Variants in ATP8A2 observed in about 807,000 individuals in gnomAD.
ATP8A2 encodes the protein ATPase phospholipid transporting 8A2.
Under a neutral mutation model 165.6 loss-of-function variants are expected in ATP8A2, and 100 were observed. The observed-to-expected ratio is 0.60, with a 90% confidence interval of 0.51 to 0.71. The LOEUF (loss-of-function observed/expected upper bound fraction) is 0.71, where lower values mean the gene tolerates loss of function less well. Ranked by LOEUF, ATP8A2 falls within the 30% of genes least tolerant of loss-of-function variation. The probability of loss-of-function intolerance (pLI) is 0.00; values close to 1 mark genes in which losing one functional copy is unlikely to be tolerated. For synonymous variants in ATP8A2, 543 were observed against 548.8 expected (o/e 0.99, Z 0.15); for missense variants, 1,227 against 1,479.5 (o/e 0.83, Z 2.80).
At chr13:25,390,017 C>G (rs370647796) in intron 1 of ATP8A2, among the ~76,000 whole-genome samples, 3 of 110,794 alleles carry the variant, frequency 2.7e-5, no homozygotes, top group Non-Finnish European at 5.9e-5. Flanking sequence ...TGTTTTGAAA[C>G]GGAGTCTTGC....
intron 27 of ATP8A2, among the ~76,000 whole-genome samples, chr13:25,793,874 T>A (rs1419077863): frequency 6.6e-6 from 1 of 152,140 alleles, no homozygotes; most frequent in Non-Finnish European, 1.5e-5. Flanking sequence ...TAAAAACAAT[T>A]CCCCACCCCA....
At chr13:25,902,185 C>T (rs568392318) in intron 33 of ATP8A2, among the ~76,000 whole-genome samples, 3 of 152,228 alleles carry the variant, frequency 2.0e-5, no homozygotes, top group African/African-American at 4.8e-5. Flanking sequence ...ACCATTCCCC[C>T]GCCATCACCT....
chr13:25,673,600 G>A (rs899142037), intron 24 of ATP8A2, among the ~76,000 whole-genome samples: 1 of 152,052 alleles, frequency 6.6e-6, no homozygotes, highest in Non-Finnish European at 1.5e-5. Flanking sequence ...CCCTGTCTAC[G>A]CTGACTCGTT....
rs571701119 is a variant in ATP8A2, at chr13:25,713,133, C to T, written c.2384+13788C>T. ...TTCTCCCCTTTCCCAAAATGATGTA[C>T]GCTTCTCTTTTACTAAATTCTCAAC... On this transcript the variant is annotated intron_variant, in intron 25 of 36. Coordinates refer to ENST00000381655, the MANE Select transcript of ATP8A2 (RefSeq NM_016529.6). Among the ~76,000 whole-genome samples, 9 of 152,214 alleles carry T rather than the reference C, an allele frequency of 5.9e-5. No individual in the cohort carries two copies. In the South Asian group the frequency reaches 6.2e-4, roughly 11 times the overall value.
At chr13:25,869,257 T>C (rs1952612270) in intron 33 of ATP8A2, among the ~76,000 whole-genome samples, 1 of 152,026 alleles carries the variant, frequency 6.6e-6, no homozygotes, top group Non-Finnish European at 1.5e-5. Context: ...TTACACATAA[T>C]GCCAACTTGT....
chr13:25,998,762 G>T (rs1413907442), intron 35 of ATP8A2, among the ~76,000 whole-genome samples: 1 of 152,118 alleles, frequency 6.6e-6, no homozygotes, highest in Non-Finnish European at 1.5e-5. Flanking sequence ...TTGTATTAGG[G>T]TTAGTTAACC....
chr13:25,712,107 C>T (rs1272880543), intron 25 of ATP8A2, among the ~76,000 whole-genome samples: 1 of 152,110 alleles, frequency 6.6e-6, no homozygotes, highest in Non-Finnish European at 1.5e-5. Context: ...CCATAGTGTA[C>T]AGGGCTATAG....
intron 30 of ATP8A2, among the ~76,000 whole-genome samples, chr13:25,855,530 A>G (rs1053918627): frequency 1.3e-5 from 2 of 152,214 alleles, no homozygotes; most frequent in Non-Finnish European, 2.9e-5. Flanking sequence ...GTGGATGGAC[A>G]TTTGGGTTAT....
chr13:25,942,803 A>G (rs1009976218), intron 33 of ATP8A2, among the ~76,000 whole-genome samples: 43 of 152,204 alleles, frequency 2.8e-4, no homozygotes, highest in African/African-American at 1.0e-3. Flanking sequence ...ATGTTCTCCT[A>G]TGTTTTCTTC....
At chr13:25,524,706 G>A (rs1480495621) in intron 2 of ATP8A2, among the ~76,000 whole-genome samples, 3 of 152,018 alleles carry the variant, frequency 2.0e-5, no homozygotes, top group Admixed American at 2.0e-4. Flanking sequence ...CATTCTGTGT[G>A]TGTCTTTATA....
At chr13:25,469,211 T>TGGCC in intron 2 of ATP8A2, 90 bp downstream of exon 2, 1 of 1,480,252 alleles carries the variant, frequency 6.8e-7, no homozygotes, top group African/African-American at 1.4e-5. Context: ...GCCGCGCACC[T>TGGCC]GGCCGGCCCC....
chr13:25,876,306 G>A (rs1952817948), intron 33 of ATP8A2, among the ~76,000 whole-genome samples: 1 of 152,192 alleles, frequency 6.6e-6, no homozygotes, highest in South Asian at 2.1e-4. Context: ...GAGAAGAAAA[G>A]TTTAGGATTT....
At chr13:25,691,797 C>T (rs2042731149) in intron 24 of ATP8A2, among the ~76,000 whole-genome samples, 1 of 152,230 alleles carries the variant, frequency 6.6e-6, no homozygotes, top group Non-Finnish European at 1.5e-5. Flanking sequence ...GCTTTACTTG[C>T]CACCAGCAGC....
intron 24 of ATP8A2, among the ~76,000 whole-genome samples, chr13:25,600,209 G>C (rs186742347): frequency 7.9e-5 from 12 of 152,318 alleles, no homozygotes; most frequent in Middle Eastern, 3.4e-3. Flanking sequence ...CCCAAGGCTA[G>C]GTTAAAGAAG....
chr13:25,847,561 GT>G (rs1951895627), intron 30 of ATP8A2, among the ~76,000 whole-genome samples: 1 of 152,202 alleles, frequency 6.6e-6, no homozygotes, highest in African/African-American at 2.4e-5. Flanking sequence ...GTGAGCCAGA[GT>G]TCCTAGATTT....
intron 2 of ATP8A2, among the ~76,000 whole-genome samples, chr13:25,510,566 C>CT (rs1479629367): frequency 1.3e-5 from 2 of 152,230 alleles, no homozygotes; most frequent in African/African-American, 4.8e-5. Flanking sequence ...ATGTTGCACT[C>CT]TGAGTGCTGT....
chr13:26,009,347 C>A (rs776752958), intron 35 of ATP8A2, among the ~76,000 whole-genome samples: 2 of 152,176 alleles, frequency 1.3e-5, no homozygotes, highest in Admixed American at 6.5e-5. Context: ...AGTAAGGCAG[C>A]GTGGGAAAGA....
intron 32 of ATP8A2, 98 bp downstream of exon 32, chr13:25,860,958 T>G: frequency 1.2e-6 from 1 of 813,932 alleles, no homozygotes; most frequent in Non-Finnish European, 2.0e-6. Flanking sequence ...AATATCTGGC[T>G]ATCTTCTTTC....
At chr13:25,922,979 C>CT (rs1366125470) in intron 33 of ATP8A2, among the ~76,000 whole-genome samples, 1 of 152,162 alleles carries the variant, frequency 6.6e-6, no homozygotes, top group Non-Finnish European at 1.5e-5. Flanking sequence ...TGATCCAGAA[C>CT]TGATGTGGAC....
Sources: gnomAD v4.1 joint callset for allele counts (sites outside exome capture counted in the v4.1 genomes callset) on GRCh38, gnomAD v4.1.1 for gene constraint, MANE v1.5 for transcripts, NCBI Gene and HGNC (gene_info 2026-07-23, HGNC 2026-07-21) for gene names.